The following FBN1 variants were observed in gnomAD, a reference collection of about 807,000 sequenced individuals.
FBN1 encodes fibrillin-1.
Under a neutral mutation model 365.1 loss-of-function variants are expected in FBN1, and 29 were observed. The observed-to-expected ratio is 0.08, with a 90% CI of 0.06 to 0.11. The LOEUF (loss-of-function observed/expected upper bound fraction) is 0.11. Among genes scored for constraint, FBN1 ranks in the 10% least tolerant of loss-of-function variants. The pLI, the probability that FBN1 is intolerant of heterozygous loss-of-function variation, is 1.00. For synonymous variants in FBN1, 1,210 were observed against 1,270.5 expected (o/e 0.95, Z 1.01); for missense variants, 2,476 against 3,703.2 (o/e 0.67, Z 8.60).
chr15:48,600,039 T>C, intron 5 of FBN1, 100 bp downstream of exon 5: 2 of 864,524 alleles, frequency 2.3e-6, no homozygotes, highest in Non-Finnish European at 3.9e-6. Context: ...ACATGCTGTG[T>C]CCCAGGTAAT....
rs143836403 is a variant in FBN1, at chr15:48,488,307, TTAAAGA to T, written c.3208+55_3208+60del. 135,168 of 1,614,006 alleles carry T rather than the reference TTAAAGA, an allele frequency of 0.084. 6,296 individuals carry two copies. Among genetic ancestry groups the T allele is most frequent in the Middle Eastern group, 0.15 (928 of 6,062 alleles). ...CAGCCTTAATTCTTGCGACAATATG[TTAAAGA>T]TAAAGAGTTTTAAAGGACGTCCCCT... On this transcript the variant is annotated intron_variant, in intron 26 of 65. Transcript: ENST00000316623.
chr15:48,451,543 A>G (rs2141254808), intron 45 of FBN1, among the ~76,000 whole-genome samples: 1 of 152,290 alleles, frequency 6.6e-6, no homozygotes, highest in African/African-American at 2.4e-5. Context: ...TACCCTAAAG[A>G]GAACAGTGCA....
At chr15:48,468,558 G>C in intron 36 of FBN1, 24 bp from the exon 37 acceptor site, 1 of 1,613,656 alleles carries the variant, frequency 6.2e-7, no homozygotes, top group Non-Finnish European at 8.5e-7. Context: ...GTGAGTAGTG[G>C]AGTTATCACC....
In FBN1 at chr15:48,427,611, T is replaced by C; in HGVS notation, c.7160A>G (p.Lys2387Arg). ...TCCTCGGCCATGGGGACAGAGTTTC[T>C]TGAAAGCCACAGTCCCCTGGAAAGG... Reference protein sequence around the residue: ...ICPFQGTVAFKKLCPHGRGFM... With the variant: ...ICPFQGTVAFRKLCPHGRGFM... The change falls in exon 58 of 66, where the codon AAG becomes AGG. Residue 2387 changes from lysine (K) to arginine (R), a missense_variant. Around this residue, in one of 5 missense-constraint regions of FBN1, gnomAD observed 1,780 missense variants for 2,840.8 expected, o/e 0.63. Coordinates refer to ENST00000316623, the MANE Select transcript of FBN1 (RefSeq NM_000138.5). The C allele has an allele frequency of 6.2e-7, 1 of 1,614,194 alleles. No homozygotes were observed. Among genetic ancestry groups the C allele is most frequent in the Non-Finnish European group, 8.5e-7 (1 of 1,180,022 alleles).
At chr15:48,571,459 C>T (rs1235980372) in intron 6 of FBN1, among the ~76,000 whole-genome samples, 6 of 151,530 alleles carry the variant, frequency 4.0e-5, no homozygotes, top group Non-Finnish European at 8.8e-5. Flanking sequence ...AGATAAATCA[C>T]GAGGAAAAGG....
chr15:48,437,721 GT>G (rs2043084321), intron 51 of FBN1, 46 bp downstream of exon 51: 2 of 1,604,054 alleles, frequency 1.2e-6, no homozygotes, highest in African/African-American at 2.7e-5. Flanking sequence ...ATCATGGCCA[GT>G]CTGCACCCTG....
At position 48,469,140 on chromosome 15, in the gene FBN1, AC is replaced by A. The variant is rs1160199655; in HGVS notation, c.4460-607del. Among the ~76,000 whole-genome samples, 6 of 147,208 alleles carry A rather than the reference AC, an allele frequency of 4.1e-5. No homozygotes were observed. In the East Asian group the frequency reaches 1.2e-3, roughly 29 times the overall value. ...ATATATATAAAATATAATATATATT[AC>A]ATATATATATATAACTTTGGCACTA... On this transcript the variant is annotated intron_variant, in intron 36 of 65. Transcript: ENST00000316623.
chr15:48,576,500 C>A (rs1393823848), intron 6 of FBN1, among the ~76,000 whole-genome samples: 1 of 152,114 alleles, frequency 6.6e-6, no homozygotes, highest in Non-Finnish European at 1.5e-5. Flanking sequence ...AGCTGGAGGG[C>A]AGGAACCTTG....
chr15:48,421,749 A>G (rs2042944106), intron 61 of FBN1, 63 bp from the exon 62 acceptor site: 5 of 1,578,012 alleles, frequency 3.2e-6, no homozygotes, highest in Non-Finnish European at 4.3e-6. Context: ...TGTATCATTT[A>G]AAAGAAAATT....
chr15:48,474,008 G>A lies in FBN1; in HGVS notation c.4210+247C>T, dbSNP rs1373162220. Among the ~76,000 whole-genome samples the A allele has an allele frequency of 3.3e-5, 5 of 152,132 alleles. No homozygotes were observed. The East Asian group carries it at 9.6e-4, about 29-fold the overall frequency. ...TAGAGCACAGATCACTGTAAATGAT[G>A]TGATAATGGCACCTAAATATCTATC... On this transcript the variant is annotated intron_variant, in intron 34 of 65. Transcript: ENST00000316623.
At chr15:48,494,020 C>T (rs970785042) in intron 23 of FBN1, among the ~76,000 whole-genome samples, 184 bp downstream of exon 23, 1 of 152,202 alleles carries the variant, frequency 6.6e-6, no homozygotes, top group East Asian at 1.9e-4. Context: ...AGCGTTCTGA[C>T]ACTAGCAACA....
chr15:48,567,727 T>C (rs1195412283), intron 6 of FBN1, among the ~76,000 whole-genome samples: 9 of 152,094 alleles, frequency 5.9e-5, no homozygotes, highest in Non-Finnish European at 1.0e-4. Context: ...ATCATCTCAA[T>C]AGATATAGAC....
At chr15:48,635,432 C>T (rs528232662) in intron 2 of FBN1, among the ~76,000 whole-genome samples, 1 of 152,284 alleles carries the variant, frequency 6.6e-6, no homozygotes, top group South Asian at 2.1e-4. Flanking sequence ...GATAATGTGG[C>T]TACTCCATTT....
At chr15:48,413,679 C>T (rs1014123148) in intron 64 of FBN1, among the ~76,000 whole-genome samples, 2 of 152,156 alleles carry the variant, frequency 1.3e-5, no homozygotes, top group South Asian at 4.2e-4. Context: ...TCTAGTGATT[C>T]GGAGAGGCCA....
chr15:48,564,237 A>G (rs2140661343), intron 6 of FBN1, among the ~76,000 whole-genome samples: 1 of 152,294 alleles, frequency 6.6e-6, no homozygotes, highest in East Asian at 1.9e-4. Context: ...CATCACACAG[A>G]CACCAACACC....
chr15:48,435,694 G>GTGTGTGTGTGTGTGTGCA (rs2043061742), intron 53 of FBN1, among the ~76,000 whole-genome samples: 1 of 87,134 alleles, frequency 1.1e-5, no homozygotes, highest in African/African-American at 5.5e-5. Context: ...GTGTGTGCAT[G>GTGTGTGTGTGTGTGTGCA]TGTGTGTGTA....
At chr15:48,567,544 G>A (rs1365221963) in intron 6 of FBN1, among the ~76,000 whole-genome samples, 5 of 152,032 alleles carry the variant, frequency 3.3e-5, no homozygotes, top group Admixed American at 6.6e-5. Context: ...CCAATGAACA[G>A]AGACAGAAAA....
intron 6 of FBN1, 81 bp from the exon 7 acceptor site, chr15:48,537,889 G>T: frequency 7.3e-7 from 1 of 1,375,930 alleles, no homozygotes; most frequent in Non-Finnish European, 1.0e-6. Context: ...GCTCCATCTT[G>T]CTTGACTCCA....
chr15:48,428,822 G>A (rs1179421784), intron 56 of FBN1, among the ~76,000 whole-genome samples: 1 of 152,180 alleles, frequency 6.6e-6, no homozygotes, highest in Non-Finnish European at 1.5e-5. Flanking sequence ...TATATAGTTT[G>A]TAAATAGCTT....
Sources: gnomAD v4.1 joint callset for allele counts (sites outside exome capture counted in the v4.1 genomes callset) on GRCh38, gnomAD v4.1.1 for gene constraint, gnomAD v4.1.1 regional missense constraint, MANE v1.5 for transcripts, NCBI Gene and HGNC (gene_info 2026-07-23, HGNC 2026-07-21) for gene names.